Variants in NTNG1 observed in about 807,000 individuals in gnomAD.
NTNG1 encodes netrin-G1.
NTNG1 carries 16 observed loss-of-function variants against 54.0 expected under a neutral mutation model. That is an observed-to-expected ratio of 0.30 (90% CI 0.20 to 0.45). The LOEUF (loss-of-function observed/expected upper bound fraction) is 0.45, where lower values mean the gene tolerates loss of function less well. Among genes scored for constraint, NTNG1 ranks in the 20% least tolerant of loss-of-function variants. The pLI is 1.00. For synonymous variants in NTNG1, 255 were observed against 263.1 expected (o/e 0.97, Z 0.30); for missense variants, 530 against 678.7 (o/e 0.78, Z 2.43).
At chr1:107,223,472 G>A (rs750115858) in intron 2 of NTNG1, among the ~76,000 whole-genome samples, 5 of 152,072 alleles carry the variant, frequency 3.3e-5, no homozygotes, top group Non-Finnish European at 7.4e-5. Flanking sequence ...GTTAGGAAGA[G>A]GGCAATGGGT....
chr1:107,254,660 T>A (rs1662816068), intron 2 of NTNG1, among the ~76,000 whole-genome samples: 2 of 152,168 alleles, frequency 1.3e-5, no homozygotes, highest in Admixed American at 6.5e-5. Flanking sequence ...TAGGATTTTG[T>A]GCAATGGGGA....
intron 7 of NTNG1, among the ~76,000 whole-genome samples, chr1:107,441,757 GA>G (rs1675980550): frequency 6.6e-6 from 1 of 152,060 alleles, no homozygotes; most frequent in Admixed American, 6.6e-5. Flanking sequence ...TAATAATAAA[GA>G]ATGTCAAAGT....
At chr1:107,311,427 T>C (rs763451593) in intron 2 of NTNG1, among the ~76,000 whole-genome samples, 1 of 152,130 alleles carries the variant, frequency 6.6e-6, no homozygotes, top group Admixed American at 6.6e-5. Flanking sequence ...TGGGACATAA[T>C]TGCAGCTCAT....
intron 3 of NTNG1, among the ~76,000 whole-genome samples, chr1:107,373,570 CTT>C (rs572377349): frequency 2.9e-5 from 4 of 136,036 alleles, no homozygotes; most frequent in Non-Finnish European, 4.8e-5. Flanking sequence ...GTATGTTATC[CTT>C]TTTTTTTTTT....
chr1:107,472,350 A>G (rs1462234277), intron 7 of NTNG1, among the ~76,000 whole-genome samples: 1 of 152,224 alleles, frequency 6.6e-6, no homozygotes, highest in Non-Finnish European at 1.5e-5. Flanking sequence ...GCTTTCCATT[A>G]AAAATATTCA....
chr1:107,419,512 G>A (rs1346640491), intron 5 of NTNG1, among the ~76,000 whole-genome samples: 1 of 151,730 alleles, frequency 6.6e-6, no homozygotes, highest in African/African-American at 2.4e-5. Context: ...TTCATAAGCT[G>A]CAGTGTAATG....
At chr1:107,179,535 A>G (rs986036655) in intron 2 of NTNG1, among the ~76,000 whole-genome samples, 1 of 151,944 alleles carries the variant, frequency 6.6e-6, no homozygotes, top group African/African-American at 2.4e-5. Flanking sequence ...AAAATATTTC[A>G]TTTTTGTTAT....
chr1:107,145,893 T>A (rs546869573), intron 1 of NTNG1, among the ~76,000 whole-genome samples: 16 of 152,208 alleles, frequency 1.1e-4, no homozygotes, highest in Middle Eastern at 6.8e-3. Context: ...TATATTGGGA[T>A]TGCTGTTGTG....
chr1:107,254,421 C>G (rs977854410), intron 2 of NTNG1, among the ~76,000 whole-genome samples: 1 of 152,228 alleles, frequency 6.6e-6, no homozygotes, highest in Admixed American at 6.5e-5. Context: ...ATGTACCTCA[C>G]TTCCCAGTAG....
At chr1:107,159,763 G>A (rs149222112) in intron 2 of NTNG1, among the ~76,000 whole-genome samples, 2 of 152,174 alleles carry the variant, frequency 1.3e-5, no homozygotes, top group South Asian at 2.1e-4. Flanking sequence ...CCTTTCATCT[G>A]AAATAACCTC....
chr1:107,448,900 T>C (rs1011819936), intron 7 of NTNG1, among the ~76,000 whole-genome samples: 2 of 152,080 alleles, frequency 1.3e-5, no homozygotes, highest in African/African-American at 4.8e-5. Flanking sequence ...TAATAATAAA[T>C]ATTTTAATAT....
In NTNG1 at chr1:107,418,654, A is replaced by G. The variant is rs1674375243; in HGVS notation, c.1087+10946A>G. The G allele has an allele frequency of 1.9e-6, 3 of 1,574,638 alleles. No homozygotes were observed. The African/African-American group carries it at 4.0e-5, about 21-fold the overall frequency. On this transcript the variant is annotated intron_variant, in intron 5 of 7. Transcript: ENST00000370068. The stretch of plus-strand genomic sequence containing the variant: ...TTCTAACCCAAAACAAGGTAGGAGC[A>G]TGTAAAATTCCTACGGACATAAAAT...
intron 3 of NTNG1, among the ~76,000 whole-genome samples, chr1:107,344,229 A>T (rs1669086743): frequency 6.6e-6 from 1 of 152,144 alleles, no homozygotes; most frequent in Non-Finnish European, 1.5e-5. Context: ...GGAAACATTT[A>T]CTAATTTATT....
chr1:107,249,310 C>T (rs1271841225), intron 2 of NTNG1, among the ~76,000 whole-genome samples: 2 of 151,616 alleles, frequency 1.3e-5, no homozygotes, highest in African/African-American at 4.8e-5. Flanking sequence ...TGGAGAAACC[C>T]CATCTCTACT....
intron 2 of NTNG1, among the ~76,000 whole-genome samples, chr1:107,293,026 G>A (rs1665721667): frequency 6.6e-6 from 1 of 152,072 alleles, no homozygotes; most frequent in Non-Finnish European, 1.5e-5. Flanking sequence ...CAAGAATTGA[G>A]GTTGCTGCAA....
intron 7 of NTNG1, among the ~76,000 whole-genome samples, chr1:107,446,409 T>C (rs933186903): frequency 6.6e-6 from 1 of 152,082 alleles, no homozygotes; most frequent in African/African-American, 2.4e-5. Context: ...AAGGGATCAT[T>C]CAGTTGTATT....
intron 3 of NTNG1, among the ~76,000 whole-genome samples, chr1:107,391,734 C>T (rs1027553037): frequency 2.6e-5 from 4 of 152,018 alleles, no homozygotes; most frequent in Middle Eastern, 3.4e-3. Flanking sequence ...CTTTTTAAAC[C>T]GCCAGATCTT....
At chr1:107,188,712 A>T (rs1657659887) in intron 2 of NTNG1, among the ~76,000 whole-genome samples, 1 of 152,066 alleles carries the variant, frequency 6.6e-6, no homozygotes, top group African/African-American at 2.4e-5. Flanking sequence ...TAATCTATCC[A>T]TTGGTTAATG....
intron 2 of NTNG1, among the ~76,000 whole-genome samples, chr1:107,279,947 A>G (rs1464095013): frequency 6.6e-6 from 1 of 151,894 alleles, no homozygotes; most frequent in Admixed American, 6.6e-5. Flanking sequence ...AGAGGTGCAC[A>G]CCACCATGTT....
Sources: gnomAD v4.1 joint callset for allele counts (sites outside exome capture counted in the v4.1 genomes callset) on GRCh38, gnomAD v4.1.1 for gene constraint, MANE v1.5 for transcripts, NCBI Gene and HGNC (gene_info 2026-07-23, HGNC 2026-07-21) for gene names.